GPR158: variants seen among roughly 807,000 people sequenced by gnomAD.
GPR158 encodes metabotropic glycine receptor.
A neutral mutation model predicts 78.2 loss-of-function variants in GPR158; 30 were observed. That is an observed-to-expected ratio of 0.38 (90% CI 0.29 to 0.52). The LOEUF is 0.52. GPR158 is among the 20% of genes least tolerant of loss of function. The pLI, the probability that GPR158 is intolerant of heterozygous loss-of-function variation, is 0.83. For missense variants in GPR158, 1,463 were observed against 1,523.5 expected, an observed-to-expected ratio of 0.96 and a Z score of 0.66; for synonymous variants, 581 against 591.1, an observed-to-expected ratio of 0.98 and a Z score of 0.25.
chr10:25,379,350 A>T (rs902488246), intron 2 of GPR158, among the ~76,000 whole-genome samples: 3 of 152,196 alleles, frequency 2.0e-5, no homozygotes, highest in African/African-American at 7.2e-5. Context: ...TCTGATAAGT[A>T]ACTTGATATA....
At chr10:25,433,959 A>G (rs1588862438) in intron 4 of GPR158, among the ~76,000 whole-genome samples, 3 of 151,332 alleles carry the variant, frequency 2.0e-5, no homozygotes, top group Non-Finnish European at 4.4e-5. Flanking sequence ...GGAGATTGAG[A>G]CCGTCCTGGC....
At chr10:25,205,553 A>G (rs1423908703) in intron 1 of GPR158, among the ~76,000 whole-genome samples, 3 of 151,932 alleles carry the variant, frequency 2.0e-5, no homozygotes, top group East Asian at 1.9e-4. Context: ...TGGTGTGGGC[A>G]GTTAGCACTA....
At chr10:25,180,653 C>A (rs1051163628) in intron 1 of GPR158, among the ~76,000 whole-genome samples, 13 of 152,260 alleles carry the variant, frequency 8.5e-5, no homozygotes, top group Non-Finnish European at 1.8e-4. Flanking sequence ...GGCTGTAATA[C>A]CTGTCTGGAA....
intron 5 of GPR158, among the ~76,000 whole-genome samples, chr10:25,510,406 C>A (rs186144334): frequency 6.6e-6 from 1 of 151,968 alleles, no homozygotes; most frequent in East Asian, 1.9e-4. Context: ...GTTGTAAACC[C>A]CTTAGTTTTA....
At chr10:25,450,763 G>A (rs1404092044) in intron 4 of GPR158, among the ~76,000 whole-genome samples, 1 of 151,942 alleles carries the variant, frequency 6.6e-6, no homozygotes, top group East Asian at 1.9e-4. Context: ...GGGACTTTTA[G>A]TTAATTACTG....
intron 4 of GPR158, among the ~76,000 whole-genome samples, chr10:25,439,550 G>A (rs578108149): frequency 2.1e-4 from 32 of 152,166 alleles, no homozygotes; most frequent in African/African-American, 7.7e-4. Flanking sequence ...CTTACCCATT[G>A]GTTCTATCCA....
At chr10:25,333,664 TA>T (rs1855159184) in intron 2 of GPR158, among the ~76,000 whole-genome samples, 2 of 152,132 alleles carry the variant, frequency 1.3e-5, no homozygotes, top group African/African-American at 4.8e-5. Context: ...AAAGAATCAT[TA>T]TTTCCTAGTT....
chr10:25,466,494 GT>G (rs1258331114), intron 4 of GPR158, 156 bp from the exon 5 acceptor site: 3 of 527,336 alleles, frequency 5.7e-6, no homozygotes, highest in Admixed American at 3.4e-5. Flanking sequence ...GCATGTTCTA[GT>G]TTTTTACCCA....
intron 4 of GPR158, among the ~76,000 whole-genome samples, chr10:25,439,181 G>T (rs1835035771): frequency 6.6e-6 from 1 of 152,188 alleles, no homozygotes; most frequent in African/African-American, 2.4e-5. Context: ...AGATTTAATA[G>T]ACTCACAGTT....
At chr10:25,578,732 G>A (rs1050632287) in intron 7 of GPR158, among the ~76,000 whole-genome samples, 2 of 152,162 alleles carry the variant, frequency 1.3e-5, no homozygotes, top group Non-Finnish European at 2.9e-5. Flanking sequence ...GGTTGGCCTG[G>A]CACGGTGGCT....
intron 3 of GPR158, among the ~76,000 whole-genome samples, chr10:25,399,560 G>A (rs116358618): frequency 0.015 from 2,287 of 152,222 alleles, 62 homozygotes; most frequent in African/African-American, 0.053. Flanking sequence ...ATTGTCTTCC[G>A]TGAAACCAGT....
chr10:25,520,706 C>T (rs1038655964), intron 5 of GPR158, among the ~76,000 whole-genome samples: 6 of 152,038 alleles, frequency 3.9e-5, no homozygotes, highest in Non-Finnish European at 7.4e-5. Context: ...GGTCAGGGAC[C>T]CGCTTGAGGA....
At chr10:25,183,054 G>A (rs922547267) in intron 1 of GPR158, among the ~76,000 whole-genome samples, 1 of 152,126 alleles carries the variant, frequency 6.6e-6, no homozygotes, top group Non-Finnish European at 1.5e-5. Flanking sequence ...GGCTTGTTTT[G>A]CTTGCTTTAT....
chr10:25,250,719 A>G (rs1187359071), intron 2 of GPR158, among the ~76,000 whole-genome samples: 1 of 142,074 alleles, frequency 7.0e-6, no homozygotes, highest in Non-Finnish European at 1.5e-5. Flanking sequence ...TACTGAGGAG[A>G]GCTTTACTTC....
intron 4 of GPR158, among the ~76,000 whole-genome samples, chr10:25,442,877 A>T (rs765401268): frequency 1.3e-5 from 2 of 151,934 alleles, no homozygotes; most frequent in Non-Finnish European, 2.9e-5. Context: ...TCCTCCTTCA[A>T]TTTATTCTTC....
chr10:25,395,076 G>C (rs1834348790), intron 2 of GPR158, among the ~76,000 whole-genome samples: 1 of 152,094 alleles, frequency 6.6e-6, no homozygotes, highest in African/African-American at 2.4e-5. Flanking sequence ...AGTTTTTGTA[G>C]TTTAGTAGAA....
chr10:25,540,845 G>A (rs1248409478), intron 5 of GPR158, among the ~76,000 whole-genome samples: 1 of 151,432 alleles, frequency 6.6e-6, no homozygotes, highest in Non-Finnish European at 1.5e-5. Context: ...TAATATAAAT[G>A]ACGAGTTAAT....
chr10:25,218,754 A>AT (rs1012574194), intron 1 of GPR158, among the ~76,000 whole-genome samples: 1 of 152,128 alleles, frequency 6.6e-6, no homozygotes, highest in African/African-American at 2.4e-5. Flanking sequence ...TGAGTCAGAA[A>AT]TTTCACCTCA....
chr10:25,208,079 GTTTACCACA>G (rs986930362), intron 1 of GPR158, among the ~76,000 whole-genome samples: 1 of 152,126 alleles, frequency 6.6e-6, no homozygotes. Flanking sequence ...AAAATATAAT[GTTTACCACA>G]TGGTATATTC....
Sources: allele counts gnomAD v4.1 joint callset (sites outside exome capture counted in the v4.1 genomes callset), GRCh38; gene constraint gnomAD v4.1.1; transcripts MANE v1.5; gene names NCBI Gene and HGNC (gene_info 2026-07-23, HGNC 2026-07-21).